Variants in PIK3R1 observed in about 807,000 individuals in gnomAD.
The protein encoded by PIK3R1 is phosphatidylinositol 3-kinase regulatory subunit alpha.
In PIK3R1, 29 loss-of-function variants were observed where a neutral mutation model predicts 98.0. That is an observed-to-expected ratio of 0.30 (90% confidence interval 0.22 to 0.40). PIK3R1 has a LOEUF of 0.40. Ranked by LOEUF, PIK3R1 falls within the 10% of genes least tolerant of loss-of-function variation. PIK3R1 has a pLI of 1.00. For synonymous variants in PIK3R1, 282 were observed against 311.8 expected (o/e 0.90, Z 1.01); for missense variants, 596 against 872.7 (o/e 0.68, Z 3.99).
chr5:68,292,574 G>A (rs1279605165), intron 8 of PIK3R1: 1 of 1,490,804 alleles, frequency 6.7e-7, no homozygotes, highest in African/African-American at 1.4e-5. Context: ...TTTCATTATT[G>A]ACAGAGATGT....
At chr5:68,246,316 T>A (rs868409887) in intron 2 of PIK3R1, among the ~76,000 whole-genome samples, 179 of 144,654 alleles carry the variant, frequency 1.2e-3, no homozygotes, top group East Asian at 7.1e-3. Context: ...TGTGTATATT[T>A]TTTTTTTTTT....
chr5:68,262,944 TAG>T (rs1745918211), intron 2 of PIK3R1, among the ~76,000 whole-genome samples: 1 of 39,734 alleles, frequency 2.5e-5, no homozygotes, highest in African/African-American at 1.3e-4. Flanking sequence ...TATATACATG[TAG>T]ATACATGTAG....
chr5:68,271,267 G>T (rs1015611430), intron 2 of PIK3R1, among the ~76,000 whole-genome samples: 1 of 152,192 alleles, frequency 6.6e-6, no homozygotes, highest in Admixed American at 6.5e-5. Flanking sequence ...TCTGCACAGT[G>T]ACTGGAAAGT....
rs1204673502 is a variant in PIK3R1, at chr5:68,295,344, TC to T, written c.1745+22del. The T allele has an allele frequency of 1.2e-6, 2 of 1,613,058 alleles. No homozygotes were observed. Among genetic ancestry groups the T allele is most frequent in the Non-Finnish European group, 1.7e-6 (2 of 1,179,116 alleles). On this transcript the variant is annotated intron_variant, in intron 13 of 15. Transcript: ENST00000521381. ...CTTGATGTAAGTATTTGAAATGGAA[TC>T]CTATACATGAATAATTGGTGATTGC...
chr5:68,291,720 G>C (rs1197204714), intron 7 of PIK3R1: 1 of 152,526 alleles, frequency 6.6e-6, no homozygotes, highest in Non-Finnish European at 1.5e-5. Context: ...TGGCAGAACA[G>C]TGCCTGAAAT....
At chr5:68,284,305 C>T (rs1746984534) in intron 7 of PIK3R1, among the ~76,000 whole-genome samples, 1 of 152,186 alleles carries the variant, frequency 6.6e-6, no homozygotes, top group Non-Finnish European at 1.5e-5. Flanking sequence ...TTTTTCCTTA[C>T]TGACGCCATG....
chr5:68,272,189 G>C (rs1746390079), intron 2 of PIK3R1, among the ~76,000 whole-genome samples: 1 of 150,062 alleles, frequency 6.7e-6, no homozygotes, highest in Non-Finnish European at 1.5e-5. Context: ...GGAAGTTGAG[G>C]CTGCAGCGAG....
chr5:68,239,909 A>G (rs994370350), intron 2 of PIK3R1: 15 of 501,634 alleles, frequency 3.0e-5, no homozygotes, highest in Admixed American at 2.1e-4. Context: ...CAGCAAAAGA[A>G]CCTCATCAGA....
At chr5:68,267,857 CA>C (rs555132007) in intron 2 of PIK3R1, among the ~76,000 whole-genome samples, 4 of 151,936 alleles carry the variant, frequency 2.6e-5, no homozygotes, top group Non-Finnish European at 5.9e-5. Context: ...TATACAAAGG[CA>C]AAATGCAAAT....
chr5:68,287,453 G>A (rs912767804), intron 7 of PIK3R1, among the ~76,000 whole-genome samples: 12 of 152,244 alleles, frequency 7.9e-5, no homozygotes, highest in East Asian at 1.9e-4. Flanking sequence ...GTCAGATTTC[G>A]TTTTCCCCTC....
At position 68,299,497 on chromosome 5, in the gene PIK3R1, TC is replaced by T. The variant is rs1747923206; in HGVS notation, c.*1898del. 1 of 233,338 alleles carries T rather than the reference TC, an allele frequency of 4.3e-6. No individual in the cohort carries two copies. Among genetic ancestry groups the T allele is most frequent in the East Asian group, 6.0e-5 (1 of 16,584 alleles). 14.5% of individuals were successfully genotyped at this position (233,338 alleles called of 1,614,324 possible). A position where few individuals can be genotyped will look rare whatever the true frequency, so the allele number is the denominator to read the frequency against. On this transcript the variant is annotated 3_prime_UTR_variant, in exon 16 of 16. Transcript: ENST00000521381. ...TAGGGCAGGAGTGAGAGGTCTCTCT[TC>T]CTGATTTAGATATGCAAAAGCTGGT...
At chr5:68,237,432 G>A (rs1292430169) in intron 2 of PIK3R1, among the ~76,000 whole-genome samples, 1 of 152,244 alleles carries the variant, frequency 6.6e-6, no homozygotes, top group Non-Finnish European at 1.5e-5. Flanking sequence ...GGGCAGAGGG[G>A]TGATTGAGGG....
chr5:68,232,743 G>C (rs917584760), intron 2 of PIK3R1, among the ~76,000 whole-genome samples: 9 of 152,146 alleles, frequency 5.9e-5, no homozygotes, highest in African/African-American at 1.9e-4. Flanking sequence ...TTTTGTTAAG[G>C]CTTCTGTTCT....
chr5:68,225,505 G>C (rs1391137583), intron 1 of PIK3R1, among the ~76,000 whole-genome samples: 1 of 152,058 alleles, frequency 6.6e-6, no homozygotes, highest in African/African-American at 2.4e-5. Flanking sequence ...CGTTCTCGCC[G>C]CACATTTAAG....
chr5:68,246,693 G>T (rs1026769672), intron 2 of PIK3R1, among the ~76,000 whole-genome samples: 6 of 152,234 alleles, frequency 3.9e-5, no homozygotes, highest in Non-Finnish European at 7.4e-5. Flanking sequence ...GTGCGATCTT[G>T]GCTCACTGCA....
At chr5:68,246,488 T>G (rs1191846948) in intron 2 of PIK3R1, among the ~76,000 whole-genome samples, 1 of 151,858 alleles carries the variant, frequency 6.6e-6, no homozygotes, top group African/African-American at 2.4e-5. Context: ...AATTTTTGTA[T>G]TTTTAGTAGA....
At chr5:68,292,528 G>C (rs765012410) in intron 8 of PIK3R1, 167 bp downstream of exon 8, 1 of 1,519,612 alleles carries the variant, frequency 6.6e-7, no homozygotes, top group Admixed American at 2.0e-5. Context: ...AGAACTGTGG[G>C]TGCTGGATGC....
In PIK3R1 at chr5:68,273,409, T is replaced by G. The variant is rs767789451; in HGVS notation, c.354T>G (p.Leu118=). 3.1e-6 allele frequency: 5 copies of G among 1,614,148 alleles called. No individual in the cohort carries two copies. The highest frequency in any genetic ancestry group is 1.1e-5 in the South Asian group (1 of 91,084). Residue 118 remains leucine, a synonymous_variant, in exon 3 of 16, where the codon CTT becomes CTG. Coordinates refer to ENST00000521381, the MANE Select transcript of PIK3R1 (RefSeq NM_181523.3). The stretch of plus-strand genomic sequence containing the variant: ...TTGCAGCTTTGACTCTCCCGGATCT[T>G]GCAGAGCAGTTTGCCCCTCCTGACA... The part of the protein sequence containing the change: ...VEQQALTLPD[L]AEQFAPPDIA...
At position 68,297,422 on chromosome 5, in the gene PIK3R1, G is replaced by A. The variant is rs961235954; in HGVS notation, c.1996G>A (p.Glu666Lys). Residue 666 changes from glutamate to lysine, a missense_variant, in exon 16 of 16, where the codon GAA becomes AAA. Transcript: ENST00000521381. ...CYACSVVVDG[E>K]VKHCVINKTA... The stretch of plus-strand genomic sequence containing the variant: ...TTCTCTCCTCTCTAGGGTGGACGGC[G>A]AAGTAAAGCATTGTGTCATAAACAA... The A allele has an allele frequency of 1.9e-6, 3 of 1,613,338 alleles. No individual in the cohort carries two copies. The highest frequency in any genetic ancestry group is 2.5e-6 in the Non-Finnish European group (3 of 1,179,548).
Sources: allele counts gnomAD v4.1 joint callset (sites outside exome capture counted in the v4.1 genomes callset), GRCh38; gene constraint gnomAD v4.1.1; transcripts MANE v1.5; gene names NCBI Gene and HGNC (gene_info 2026-07-23, HGNC 2026-07-21).